PRKD1: variants seen among roughly 807,000 people sequenced by gnomAD.
PRKD1 encodes serine/threonine-protein kinase D1.
In PRKD1, 63 loss-of-function variants were observed where a neutral mutation model predicts 95.9. That is an observed-to-expected ratio of 0.66 (90% confidence interval 0.54 to 0.81). PRKD1 has a LOEUF of 0.81. Among genes scored for constraint, PRKD1 ranks in the 30% least tolerant of loss-of-function variants. The pLI is 0.00. For synonymous variants in PRKD1, 425 were observed against 423.1 expected (o/e 1.00, Z -0.05); for missense variants, 1,048 against 1,165.3 (o/e 0.90, Z 1.47).
rs190632114 is a variant in PRKD1 at position 29,596,492 on chromosome 14, T to C, written c.2434+999A>G. Among the ~76,000 whole-genome samples, 3 of 152,292 alleles carry C rather than the reference T, an allele frequency of 2.0e-5. No homozygotes were observed. The East Asian group carries it at 5.8e-4, about 29-fold the overall frequency. The stretch of plus-strand genomic sequence containing the variant: ...TTTTTGAGATGGAGTCTTACTCTGT[T>C]GCCCAGGCTAGAGTGCAGTGGTGCA... On this transcript the variant is annotated intron_variant, in intron 16 of 17. Transcript: ENST00000331968.
rs183381044 is a variant in PRKD1, at chr14:29,629,602, C to A, written c.1673-509G>T. Reference sequence around the variant, plus strand: ...TGGATAACACTATAATGTAAAAAAACCAGAGGTTAATTCATAGGTTTCATT... The same window carrying A: ...TGGATAACACTATAATGTAAAAAAAACAGAGGTTAATTCATAGGTTTCATT... On this transcript the variant is annotated intron_variant, in intron 10 of 17. Transcript: ENST00000331968. Among the ~76,000 whole-genome samples the A allele has an allele frequency of 1.7e-4, 26 of 151,962 alleles. No homozygotes were observed. The East Asian group carries it at 4.1e-3, about 24-fold the overall frequency.
rs542116754 is a variant in PRKD1 at position 29,626,586 on chromosome 14, C to A, written c.1726-30G>T. Reference sequence around the variant, plus strand: ...AGGTACAAGCCCAATGAAAAAAAAACATGAAGCAGAACAAAACATTAGTCC... The same window carrying A: ...AGGTACAAGCCCAATGAAAAAAAAAAATGAAGCAGAACAAAACATTAGTCC... On this transcript the variant is annotated intron_variant, in intron 11 of 17. Transcript: ENST00000331968. 1.1e-5 allele frequency: 16 copies of A among 1,442,946 alleles called. No homozygotes were observed. In the African/African-American group the frequency reaches 1.4e-4, roughly 13 times the overall value. The allele number at this position is 1,442,946 out of a possible 1,614,324, so 89.4% of individuals were successfully genotyped here. A position where few individuals can be genotyped will look rare whatever the true frequency, so the allele number is the denominator to read the frequency against.
chr14:29,849,492 T>C (rs1214781139), intron 1 of PRKD1, among the ~76,000 whole-genome samples: 1 of 151,928 alleles, frequency 6.6e-6, no homozygotes, highest in Admixed American at 6.6e-5. Flanking sequence ...CTTCCTAAGA[T>C]TGAATCAGGA....
At chr14:29,619,118 T>A (rs897158357) in intron 13 of PRKD1, among the ~76,000 whole-genome samples, 1 of 152,120 alleles carries the variant, frequency 6.6e-6, no homozygotes, top group Non-Finnish European at 1.5e-5. Context: ...TTTCTCAAGA[T>A]TAGTAAAAGA....
At position 29,927,316 on chromosome 14, in the gene PRKD1, T is replaced by C; in HGVS notation, c.197A>G (p.Gln66Arg). The change falls in exon 1 of 18, where the codon CAG becomes CGG. Residue 66 changes from glutamine to arginine, a missense_variant. Gln to Arg is a conservative substitution (Grantham distance 43, BLOSUM62 1). Coordinates refer to ENST00000331968, the MANE Select transcript of PRKD1 (RefSeq NM_002742.3). ...CAGGCTGTAGTCCCCGGACGAGTCC[T>C]GCAGCAGCAGCACCGGCTCACGGCT... ...GLSREPVLLL[Q>R]DSSGDYSLAH... 1 of 1,559,206 alleles carries C rather than the reference T, an allele frequency of 6.4e-7. No homozygotes were observed. Among genetic ancestry groups the C allele is most frequent in the East Asian group, 2.5e-5 (1 of 40,072 alleles).
At chr14:29,609,025 C>T (rs949824516) in intron 13 of PRKD1, among the ~76,000 whole-genome samples, 2 of 152,154 alleles carry the variant, frequency 1.3e-5, no homozygotes, top group African/African-American at 2.4e-5. Flanking sequence ...AATCCACCCT[C>T]TTGTGAACAG....
chr14:29,891,309 G>GT (rs1329247435), intron 1 of PRKD1, among the ~76,000 whole-genome samples: 1 of 151,046 alleles, frequency 6.6e-6, no homozygotes, highest in Non-Finnish European at 1.5e-5. Context: ...TTTTTTGTTT[G>GT]TTTTTTCAGA....
chr14:29,685,342 A>G (rs1883795532), intron 2 of PRKD1, among the ~76,000 whole-genome samples: 2 of 152,238 alleles, frequency 1.3e-5, no homozygotes, highest in South Asian at 4.1e-4. Flanking sequence ...ATGCCAAACT[A>G]AATGCATTTA....
chr14:29,802,872 T>C (rs2139222352), intron 1 of PRKD1, among the ~76,000 whole-genome samples: 1 of 152,364 alleles, frequency 6.6e-6, no homozygotes, highest in Non-Finnish European at 1.5e-5. Flanking sequence ...TCACTCACTC[T>C]AAGTTAGTAT....
At chr14:29,613,413 A>C (rs988107957) in intron 13 of PRKD1, among the ~76,000 whole-genome samples, 5 of 152,216 alleles carry the variant, frequency 3.3e-5, no homozygotes, top group African/African-American at 9.6e-5. Context: ...TGTTCCATGA[A>C]GACAAGTTAC....
chr14:29,809,491 C>T (rs1424487331), intron 1 of PRKD1, among the ~76,000 whole-genome samples: 2 of 152,230 alleles, frequency 1.3e-5, no homozygotes, highest in African/African-American at 2.4e-5. Context: ...CATCAATGAT[C>T]TTAGCTAGAT....
chr14:29,738,151 G>T (rs1886813948), intron 1 of PRKD1, among the ~76,000 whole-genome samples: 1 of 152,154 alleles, frequency 6.6e-6, no homozygotes, highest in African/African-American at 2.4e-5. Context: ...ATTTCTTCAA[G>T]TTTGGGTACA....
chr14:29,615,545 C>T (rs1314620473), intron 13 of PRKD1, among the ~76,000 whole-genome samples: 1 of 152,198 alleles, frequency 6.6e-6, no homozygotes, highest in Non-Finnish European at 1.5e-5. Context: ...ATGAATCTTC[C>T]CAGGTTTTGC....
chr14:29,709,587 T>C (rs1885248308), intron 2 of PRKD1, among the ~76,000 whole-genome samples: 1 of 152,066 alleles, frequency 6.6e-6, no homozygotes, highest in African/African-American at 2.4e-5. Flanking sequence ...GCTCAAATAA[T>C]CATAGAGGCT....
At chr14:29,611,746 C>CAAAAAAA (rs368153834) in intron 13 of PRKD1, among the ~76,000 whole-genome samples, 1 of 136,582 alleles carries the variant, frequency 7.3e-6, no homozygotes, top group Non-Finnish European at 1.5e-5. Context: ...GAATTATTAC[C>CAAAAAAA]AAAAAAAAAA....
chr14:29,593,920 C>T (rs1893213169), intron 16 of PRKD1, among the ~76,000 whole-genome samples: 1 of 152,096 alleles, frequency 6.6e-6, no homozygotes. Context: ...TCTATAGGTT[C>T]CTAAATATCA....
intron 1 of PRKD1, among the ~76,000 whole-genome samples, chr14:29,784,777 G>A (rs1889193659): frequency 6.6e-6 from 1 of 152,178 alleles, no homozygotes; most frequent in African/African-American, 2.4e-5. Flanking sequence ...ACACACCTTT[G>A]CTAAATTCTC....
intron 9 of PRKD1, 71 bp downstream of exon 9, chr14:29,632,798 T>C (rs1880102717): frequency 7.2e-7 from 1 of 1,390,508 alleles, no homozygotes; most frequent in East Asian, 2.3e-5. Context: ...TATTTCCTAT[T>C]TCTTATACTC....
chr14:29,682,513 C>A (rs1036789931), intron 2 of PRKD1, among the ~76,000 whole-genome samples: 3 of 152,132 alleles, frequency 2.0e-5, no homozygotes, highest in Non-Finnish European at 4.4e-5. Flanking sequence ...TCCCCGAATC[C>A]CACTTCATCA....
Sources: allele counts gnomAD v4.1 joint callset (sites outside exome capture counted in the v4.1 genomes callset), GRCh38; gene constraint gnomAD v4.1.1; transcripts MANE v1.5; gene names NCBI Gene and HGNC (gene_info 2026-07-23, HGNC 2026-07-21).